ZFX: variants seen among roughly 807,000 people sequenced by gnomAD.
ZFX encodes the protein zinc finger X-chromosomal protein.
For missense variants in ZFX, 362 were observed against 628.3 expected (o/e 0.58, Z 4.53); for synonymous variants, 196 against 226.8 (o/e 0.86, Z 1.22).
chrX:24,208,082 A>G, intron 7 of ZFX, 136 bp from the exon 8 acceptor site: 2 of 876,472 alleles, frequency 2.3e-6, no homozygotes, highest in South Asian at 2.5e-5. Context: ...AGTGCTTACT[A>G]CGTGAAAGCT....
intron 5 of ZFX, among the ~76,000 whole-genome samples, chrX:24,198,362 C>T (rs2147925460): frequency 9.0e-6 from 1 of 110,712 alleles, no homozygotes; most frequent in Non-Finnish European, 1.9e-5. Flanking sequence ...ACCACCATGC[C>T]CAGCTAATTT....
At chrX:24,195,453 C>T (rs1190234728) in intron 5 of ZFX, among the ~76,000 whole-genome samples, 2 of 109,854 alleles carry the variant, frequency 1.8e-5, no homozygotes, top group African/African-American at 3.3e-5. Context: ...CCCGGGTTCA[C>T]GCCATTCTCC....
In ZFX at chrX:24,211,368, C is replaced by G. The variant is rs1938065550; in HGVS notation, c.2410C>G (p.Leu804Val). The change falls in exon 10 of 10, where the codon CTG becomes GTG. Residue 804 changes from leucine to valine, a missense_variant. Coordinates refer to ENST00000304543, the MANE Select transcript of ZFX (RefSeq NM_003410.4). Reference sequence around the variant, plus strand: ...AATGCGACATCATAAAGAAGTTGGCCTGCCCTAACAATACTTCTACAGAAC... The same window carrying G: ...AATGCGACATCATAAAGAAGTTGGCGTGCCCTAACAATACTTCTACAGAAC... ...HIMRHHKEVG[L>V]P 1.7e-6 allele frequency: 2 copies of G among 1,212,026 alleles called. No individual in the cohort carries two copies. Among genetic ancestry groups the G allele is most frequent in the Non-Finnish European group, 2.2e-6 (2 of 895,561 alleles).
chrX:24,198,224 G>C (rs1262388121), intron 5 of ZFX, among the ~76,000 whole-genome samples: 3 of 111,220 alleles, frequency 2.7e-5, no homozygotes, highest in African/African-American at 9.8e-5. Flanking sequence ...ATTTTTTGAA[G>C]TGGGGTTTCG....
At chrX:24,162,867 C>A (rs1280225809) in intron 3 of ZFX, among the ~76,000 whole-genome samples, 1 of 111,293 alleles carries the variant, frequency 9.0e-6, no homozygotes, top group Non-Finnish European at 1.9e-5. Context: ...CTTCCTTCAT[C>A]CCCTAGCAAC....
At chrX:24,180,053 G>C (rs973340174) in intron 5 of ZFX, among the ~76,000 whole-genome samples, 5 of 109,714 alleles carry the variant, frequency 4.6e-5, no homozygotes, top group African/African-American at 1.3e-4. Context: ...CCAACATGGT[G>C]AAACCCCGTC....
intron 3 of ZFX, among the ~76,000 whole-genome samples, chrX:24,163,468 C>T (rs1206421196): frequency 1.1e-5 from 1 of 91,542 alleles, no homozygotes; most frequent in African/African-American, 4.2e-5. Flanking sequence ...ACCTCTGCCT[C>T]CTGGGTTCAA....
intron 5 of ZFX, among the ~76,000 whole-genome samples, chrX:24,203,917 TTAA>T (rs1244550247): frequency 1.8e-5 from 2 of 112,622 alleles, no homozygotes; most frequent in Non-Finnish European, 3.7e-5. Context: ...GGGTTCAACA[TTAA>T]TGTCATCTTA....
intron 5 of ZFX, among the ~76,000 whole-genome samples, chrX:24,197,330 A>G (rs1936989664): frequency 8.9e-6 from 1 of 111,790 alleles, no homozygotes; most frequent in African/African-American, 3.3e-5. Flanking sequence ...TTTATCATAT[A>G]TTACAAGGCA....
At chrX:24,205,942 CTTTT>C (rs200671546) in intron 5 of ZFX, among the ~76,000 whole-genome samples, 4 of 108,324 alleles carry the variant, frequency 3.7e-5, no homozygotes. Flanking sequence ...ATATGTACCT[CTTTT>C]TTTTTTAAAT....
intron 4 of ZFX, 108 bp downstream of exon 4, chrX:24,172,908 T>C (rs770751371): frequency 3.6e-6 from 3 of 836,038 alleles, no homozygotes; most frequent in Non-Finnish European, 4.9e-6. Flanking sequence ...TATCTTGTTA[T>C]CCTGTCAAAA....
chrX:24,205,891 A>G (rs918276070), intron 5 of ZFX, among the ~76,000 whole-genome samples: 2 of 110,974 alleles, frequency 1.8e-5, no homozygotes, highest in Non-Finnish European at 1.9e-5. Context: ...AATAAATGTG[A>G]TGTTTGTTGT....
chrX:24,168,671 C>CT lies in ZFX; in HGVS notation c.-28-4025dup, dbSNP rs141296315. 7.5e-3 allele frequency among the ~76,000 whole-genome samples: 623 copies of CT among 83,222 alleles called. 2 individuals carry two copies. The highest frequency in any genetic ancestry group is 0.017 in the Admixed American group (126 of 7,293). 72.3% of individuals were successfully genotyped at this position (83,222 alleles called of 115,157 possible). Reference sequence around the variant, plus strand: ...CTATATGTTTTTCTTTTCTTTCTTTCTTTTTTTTTTTTTTTTTTTACTTTC... The same window carrying CT: ...CTATATGTTTTTCTTTTCTTTCTTTCTTTTTTTTTTTTTTTTTTTTACTTTC... On this transcript the variant is annotated intron_variant, in intron 3 of 9. Coordinates refer to ENST00000304543, the MANE Select transcript of ZFX (RefSeq NM_003410.4).
Position 24,209,168 on chromosome X carries a change from C to G in ZFX, c.1234+128C>G, listed in dbSNP as rs183786391. On this transcript the variant is annotated intron_variant, in intron 9 of 9. Transcript: ENST00000304543. ...ACCATATATAGCTTTGTCTATTGAA[C>G]TTGAAAATATAATTTTCAGAATTCA... is the stretch of plus-strand genomic sequence containing the variant. The G allele has an allele frequency of 4.3e-5, 41 of 964,582 alleles. No homozygotes were observed. The African/African-American group carries it at 7.5e-4, about 18-fold the overall frequency. 79.5% of individuals were successfully genotyped at this position (964,582 alleles called of 1,213,427 possible). A position where few individuals can be genotyped will look rare whatever the true frequency, so the allele number is the denominator to read the frequency against.
intron 3 of ZFX, among the ~76,000 whole-genome samples, chrX:24,166,913 C>T (rs1934055699): frequency 8.9e-6 from 1 of 111,831 alleles, no homozygotes; most frequent in Admixed American, 9.5e-5. Context: ...TAGAAGGGAC[C>T]AGCCAAGAAT....
intron 5 of ZFX, among the ~76,000 whole-genome samples, chrX:24,183,819 AC>A (rs1935884223): frequency 2.5e-5 from 1 of 40,645 alleles, no homozygotes; most frequent in South Asian, 2.7e-3. Flanking sequence ...TGCAACCTCC[AC>A]CCCGGCTCAC....
intron 5 of ZFX, among the ~76,000 whole-genome samples, chrX:24,187,410 T>C (rs1197369731): frequency 8.9e-6 from 1 of 111,801 alleles, no homozygotes; most frequent in Non-Finnish European, 1.9e-5. Flanking sequence ...ATAGTGCTTA[T>C]TGGTAGATGG....
At chrX:24,167,095 A>C (rs1934071303) in intron 3 of ZFX, among the ~76,000 whole-genome samples, 1 of 111,968 alleles carries the variant, frequency 8.9e-6, no homozygotes. Flanking sequence ...AGCTCTCTGA[A>C]TTGCTTGTTT....
chrX:24,193,156 T>C (rs1244692529), intron 5 of ZFX, among the ~76,000 whole-genome samples: 1 of 112,082 alleles, frequency 8.9e-6, no homozygotes, highest in East Asian at 2.8e-4. Context: ...AGCAGTATTA[T>C]TCACATTAGC....
Sources: allele counts gnomAD v4.1 joint callset (sites outside exome capture counted in the v4.1 genomes callset), GRCh38; gene constraint gnomAD v4.1.1; transcripts MANE v1.5; gene names NCBI Gene and HGNC (gene_info 2026-07-23, HGNC 2026-07-21).